The following SAMD5 variants were observed in gnomAD, a reference collection of about 807,000 sequenced individuals.
SAMD5 encodes the protein sterile alpha motif domain-containing protein 5.
In SAMD5, 13 loss-of-function variants were observed where a neutral mutation model predicts 11.3. That is an observed-to-expected ratio of 1.15 (90% CI 0.75 to 1.83). SAMD5 has a LOEUF of 1.83. SAMD5 is among the 40% of genes most tolerant of loss of function. The pLI is 0.00. For missense variants in SAMD5, 255 were observed against 239.1 expected, an observed-to-expected ratio of 1.07 and a Z score of -0.44; for synonymous variants, 129 against 111.3, an observed-to-expected ratio of 1.16 and a Z score of -1.00.
At chr6:147,798,438 T>A in the SAMD5 span, among the ~76,000 whole-genome samples, 1 of 148,632 alleles carries the variant, frequency 6.7e-6, no homozygotes, top group Non-Finnish European at 1.5e-5. Flanking sequence ...AGAGATAGTT[T>A]GTTATGATCT....
intron 1 of SAMD5, among the ~76,000 whole-genome samples, chr6:147,538,896 T>C (rs1228250897): frequency 2.0e-5 from 3 of 152,234 alleles, no homozygotes; most frequent in African/African-American, 4.8e-5. Context: ...TTGACTTAAG[T>C]GCTTTTTTTA....
the SAMD5 span, among the ~76,000 whole-genome samples, chr6:147,939,268 GGGTTTTGTGGA>G: frequency 6.6e-6 from 1 of 152,146 alleles, no homozygotes; most frequent in Non-Finnish European, 1.5e-5. Context: ...CATTGTTGAG[GGGTTTTGTGGA>G]GGTTTTGTTA....
At chr6:147,922,881 C>A in the SAMD5 span, among the ~76,000 whole-genome samples, 1 of 152,088 alleles carries the variant, frequency 6.6e-6, no homozygotes. Context: ...AATGCCAGTT[C>A]CAGCATCAAG....
chr6:147,618,394 G>T (rs1583108870), intron 1 of SAMD5, among the ~76,000 whole-genome samples: 1 of 152,160 alleles, frequency 6.6e-6, no homozygotes. Context: ...TGAGTAGTGG[G>T]GCAACATGAG....
In SAMD5 at chr6:147,657,164, G is replaced by A. The variant is rs576234087; in HGVS notation, c.163-80153G>A. Among the ~76,000 whole-genome samples the A allele has an allele frequency of 9.2e-5, 14 of 152,184 alleles. No individual in the cohort carries two copies. The East Asian group carries it at 1.7e-3, about 19-fold the overall frequency. On this transcript the variant is annotated intron_variant, in intron 1 of 1. Transcript: ENST00000566741. ...GTGCAAGAGAGTATAAGGAAGCTACGTACTTTCTTATAGGTATGAAACAAG... is the reference window on the plus strand; with the variant it reads ...GTGCAAGAGAGTATAAGGAAGCTACATACTTTCTTATAGGTATGAAACAAG...
intron 1 of SAMD5, among the ~76,000 whole-genome samples, chr6:147,715,729 C>T (rs866377096): frequency 6.6e-6 from 1 of 152,138 alleles, no homozygotes; most frequent in African/African-American, 2.4e-5. Context: ...TGATGAGGAG[C>T]TTTACTGAGC....
chr6:147,739,045 T>C (rs1791843518), downstream of SAMD5, among the ~76,000 whole-genome samples: 3 of 152,138 alleles, frequency 2.0e-5, no homozygotes. Flanking sequence ...TCATCAGTGG[T>C]TTCCTCGGGA....
the SAMD5 span, among the ~76,000 whole-genome samples, chr6:147,842,035 T>A: frequency 6.6e-6 from 1 of 152,180 alleles, no homozygotes; most frequent in Non-Finnish European, 1.5e-5. Flanking sequence ...GACAACCTTG[T>A]GCTCCTAAAT....
the SAMD5 span, among the ~76,000 whole-genome samples, chr6:147,749,615 A>G: frequency 6.6e-6 from 1 of 152,218 alleles, no homozygotes; most frequent in Non-Finnish European, 1.5e-5. Flanking sequence ...ATACCAAACC[A>G]TTTGATGGAA....
At chr6:147,851,224 G>A in the SAMD5 span, among the ~76,000 whole-genome samples, 3,680 of 152,218 alleles carry the variant, frequency 0.024, 166 homozygotes, top group African/African-American at 0.085. Context: ...GATTACAGGC[G>A]TGAGCCACTG....
At chr6:147,889,305 T>C in the SAMD5 span, among the ~76,000 whole-genome samples, 1 of 152,224 alleles carries the variant, frequency 6.6e-6, no homozygotes, top group Non-Finnish European at 1.5e-5. Context: ...TATTTATTTT[T>C]AATCATTAGA....
chr6:147,744,295 G>C, the SAMD5 span, among the ~76,000 whole-genome samples: 1 of 152,150 alleles, frequency 6.6e-6, no homozygotes, highest in Non-Finnish European at 1.5e-5. Flanking sequence ...ACTAATATTT[G>C]TGAAGAAATG....
At chr6:147,636,639 G>A (rs964777509) in intron 1 of SAMD5, among the ~76,000 whole-genome samples, 1 of 152,192 alleles carries the variant, frequency 6.6e-6, no homozygotes, top group African/African-American at 2.4e-5. Context: ...TAGAGGTGGT[G>A]CTGCCCAATG....
chr6:147,645,877 T>C (rs1790388876), intron 1 of SAMD5, among the ~76,000 whole-genome samples: 1 of 152,186 alleles, frequency 6.6e-6, no homozygotes, highest in African/African-American at 2.4e-5. Context: ...TCTAATGAAA[T>C]ACATCCACGG....
At chr6:147,638,481 C>T (rs748796435) in intron 1 of SAMD5, among the ~76,000 whole-genome samples, 18 of 152,140 alleles carry the variant, frequency 1.2e-4, no homozygotes, top group Non-Finnish European at 2.2e-4. Flanking sequence ...CTTTGAAAAC[C>T]CTGATGAGGA....
At chr6:147,664,933 G>A (rs985281793) in intron 1 of SAMD5, among the ~76,000 whole-genome samples, 3 of 151,880 alleles carry the variant, frequency 2.0e-5, no homozygotes, top group African/African-American at 7.2e-5. Context: ...CTCTGTGTTT[G>A]GCCTGCTGTA....
the SAMD5 span, among the ~76,000 whole-genome samples, chr6:147,795,067 T>G: frequency 5.3e-5 from 8 of 151,416 alleles, no homozygotes; most frequent in East Asian, 7.7e-4. Flanking sequence ...ATCCTATTTT[T>G]TTTTATTATT....
chr6:147,539,096 A>C (rs1788559613), intron 1 of SAMD5, among the ~76,000 whole-genome samples: 1 of 152,206 alleles, frequency 6.6e-6, no homozygotes, highest in African/African-American at 2.4e-5. Flanking sequence ...GGGCCAAAGA[A>C]GCAGCAAGTA....
the SAMD5 span, among the ~76,000 whole-genome samples, chr6:147,901,466 T>G: frequency 1.3e-5 from 2 of 152,208 alleles, no homozygotes; most frequent in African/African-American, 4.8e-5. Context: ...AAGTTCATTC[T>G]GTATTCATTT....
Sources: gnomAD v4.1 joint callset for allele counts (sites outside exome capture counted in the v4.1 genomes callset) on GRCh38, gnomAD v4.1.1 for gene constraint, MANE v1.5 for transcripts, NCBI Gene and HGNC (gene_info 2026-07-23, HGNC 2026-07-21) for gene names.